CDH23: variants seen among roughly 807,000 people sequenced by gnomAD.
The protein encoded by CDH23 is cadherin related 23.
A neutral mutation model predicts 317.1 loss-of-function variants in CDH23; 189 were observed. The observed-to-expected ratio is 0.60, with a 90% CI of 0.53 to 0.67. CDH23 has a LOEUF of 0.67. CDH23 is among the 30% of genes least tolerant of loss of function. The pLI is 0.00. For missense variants in CDH23, 4,401 were observed against 4,592.4 expected, an observed-to-expected ratio of 0.96 and a Z score of 1.20; for synonymous variants, 1,839 against 1,876.8, an observed-to-expected ratio of 0.98 and a Z score of 0.52.
chr10:71,584,542 C>CTGTGTGCGTGTGTGTGTG (rs1858900111), intron 9 of CDH23, among the ~76,000 whole-genome samples: 2 of 145,658 alleles, frequency 1.4e-5, no homozygotes, highest in African/African-American at 2.5e-5. Context: ...GAAGGGAAGT[C>CTGTGTGCGTGTGTGTGTG]TGTGTGTGTG....
chr10:71,482,045 T>C (rs1852096649), intron 3 of CDH23, among the ~76,000 whole-genome samples: 1 of 152,148 alleles, frequency 6.6e-6, no homozygotes, highest in African/African-American at 2.4e-5. Context: ...GGAGCCTGAC[T>C]GAGGCCCTTC....
intron 38 of CDH23, chr10:71,761,505 C>T: frequency 7.3e-7 from 1 of 1,375,348 alleles, no homozygotes; most frequent in Non-Finnish European, 9.6e-7. Context: ...CATGCAGCCT[C>T]ACACTCTGCC....
At chr10:71,412,536 A>G (rs1396549023) in intron 1 of CDH23, among the ~76,000 whole-genome samples, 1 of 152,028 alleles carries the variant, frequency 6.6e-6, no homozygotes, top group Non-Finnish European at 1.5e-5. Context: ...TGCAGTGGCT[A>G]CACTAAACTG....
At chr10:71,720,915 T>C (rs1188443820) in intron 28 of CDH23, among the ~76,000 whole-genome samples, 1 of 152,226 alleles carries the variant, frequency 6.6e-6, no homozygotes, top group Non-Finnish European at 1.5e-5. Flanking sequence ...GGGCAGGCAG[T>C]AGGCATCCAG....
chr10:71,610,368 C>G (rs1161972267), intron 9 of CDH23, among the ~76,000 whole-genome samples: 1 of 152,228 alleles, frequency 6.6e-6, no homozygotes, highest in Non-Finnish European at 1.5e-5. Context: ...ATGATGATCT[C>G]TTATTTGCCT....
At chr10:71,532,727 G>GTTTTTTTTTTTTTTTTTTTTTTT (rs200038577) in intron 6 of CDH23, among the ~76,000 whole-genome samples, 16 of 93,944 alleles carry the variant, frequency 1.7e-4, no homozygotes, top group South Asian at 3.6e-4. Flanking sequence ...TTTTTTTTTT[G>GTTTTTTTTTTTTTTTTTTTTTTT]TTTTTTTTTT....
At chr10:71,687,999 A>C (rs1239186467) in intron 19 of CDH23, among the ~76,000 whole-genome samples, 1 of 152,094 alleles carries the variant, frequency 6.6e-6, no homozygotes, top group Non-Finnish European at 1.5e-5. Context: ...AAGAATAATG[A>C]TCCATGATTA....
chr10:71,774,042 T>TGC (rs57108074), intron 38 of CDH23, among the ~76,000 whole-genome samples: 39 of 124,748 alleles, frequency 3.1e-4, no homozygotes, highest in Middle Eastern at 4.1e-3. Context: ...CCTGAGTGCA[T>TGC]GCGCGCGCGC....
chr10:71,780,496 A>G (rs1388425578), intron 41 of CDH23, among the ~76,000 whole-genome samples: 1 of 152,208 alleles, frequency 6.6e-6, no homozygotes, highest in Non-Finnish European at 1.5e-5. Flanking sequence ...GCAAGTGGAA[A>G]GGCACTGAGG....
At chr10:71,421,552 C>T (rs1589285148) in intron 1 of CDH23, among the ~76,000 whole-genome samples, 5 of 152,320 alleles carry the variant, frequency 3.3e-5, no homozygotes, top group Admixed American at 2.6e-4. Context: ...ATACAAAACT[C>T]ATTAGATTAA....
intron 3 of CDH23, among the ~76,000 whole-genome samples, chr10:71,482,624 G>T (rs752886776): frequency 9.2e-5 from 14 of 152,216 alleles, no homozygotes; most frequent in Non-Finnish European, 1.6e-4. Flanking sequence ...GGACTGCTGG[G>T]CAGGTGGAGG....
At chr10:71,597,054 T>C (rs900164086) in intron 9 of CDH23, among the ~76,000 whole-genome samples, 14 of 152,230 alleles carry the variant, frequency 9.2e-5, no homozygotes, top group African/African-American at 3.4e-4. Flanking sequence ...TCCTGGGAAC[T>C]CTGCCTCATC....
chr10:71,766,049 C>A (rs375048521), intron 38 of CDH23, among the ~76,000 whole-genome samples: 9 of 152,354 alleles, frequency 5.9e-5, no homozygotes, highest in Admixed American at 3.3e-4. Context: ...GCGCACAGCA[C>A]GCAGAGGGGC....
intron 50 of CDH23, among the ~76,000 whole-genome samples, chr10:71,798,840 G>C (rs1332292269): frequency 6.6e-6 from 1 of 152,194 alleles, no homozygotes; most frequent in Non-Finnish European, 1.5e-5. Flanking sequence ...GTACCACCGA[G>C]GGAGCAGGAA....
At chr10:71,620,658 C>T (rs1172064962) in intron 11 of CDH23, among the ~76,000 whole-genome samples, 1 of 152,176 alleles carries the variant, frequency 6.6e-6, no homozygotes, top group African/African-American at 2.4e-5. Flanking sequence ...TGGCTGTTTT[C>T]CCAAGGGAGC....
At position 71,784,972 on chromosome 10, in the gene CDH23, G is replaced by A. The variant is rs773004408; in HGVS notation, c.5584G>A (p.Glu1862Lys). The A allele has an allele frequency of 8.1e-6, 13 of 1,614,050 alleles. No homozygotes were observed. Among genetic ancestry groups the A allele is most frequent in the Admixed American group, 3.3e-5 (2 of 60,034 alleles). The change falls in exon 43 of 70, where the codon GAG (glutamate) becomes AAG (lysine). Residue 1862 changes from glutamate (E) to lysine (K), a missense_variant. Physicochemically the swap from Glu to Lys is moderately conservative, Grantham distance 56. Coordinates refer to ENST00000224721, the MANE Select transcript of CDH23 (RefSeq NM_022124.6). ...CCTGCCCATGAACATCACCATCAGC[G>A]AGAACAGCCCTGTCTCCAGCTTTGT... ...LNLPMNITISENSPVSSFVAH... is the reference protein window; with the variant it reads ...LNLPMNITISKNSPVSSFVAH...
rs557311759 is a variant in CDH23, at chr10:71,710,384, C to T, written c.3220+1173C>T. Among the ~76,000 whole-genome samples, 10 of 152,346 alleles carry T rather than the reference C, an allele frequency of 6.6e-5. No individual in the cohort carries two copies. In the South Asian group the frequency reaches 2.1e-3, roughly 32 times the overall value. On this transcript the variant is annotated intron_variant, in intron 27 of 69. Coordinates refer to ENST00000224721, the MANE Select transcript of CDH23 (RefSeq NM_022124.6). ...TGGTTACTTAAGCCTAAGTCACATG[C>T]CCATCCTGGGCCCTCCTGCTCCTGG...
intron 3 of CDH23, among the ~76,000 whole-genome samples, chr10:71,448,919 A>AG (rs1850300437): frequency 1.3e-5 from 2 of 152,140 alleles, no homozygotes; most frequent in African/African-American, 4.8e-5. Flanking sequence ...TGGCTTGTCC[A>AG]GGGGACTGGC....
chr10:71,539,458 T>G (rs1302706777), intron 6 of CDH23, among the ~76,000 whole-genome samples: 4 of 151,994 alleles, frequency 2.6e-5, no homozygotes, highest in Admixed American at 2.6e-4. Flanking sequence ...TCTTTCTCTC[T>G]CTCTCTGGTC....
Sources: gnomAD v4.1 joint callset for allele counts (sites outside exome capture counted in the v4.1 genomes callset) on GRCh38, gnomAD v4.1.1 for gene constraint, MANE v1.5 for transcripts, NCBI Gene and HGNC (gene_info 2026-07-23, HGNC 2026-07-21) for gene names.